NECAB2: variants seen among roughly 807,000 people sequenced by gnomAD.
NECAB2 encodes N-terminal EF-hand calcium-binding protein 2.
NECAB2 carries 68 observed loss-of-function variants against 51.9 expected under a neutral mutation model. That is an observed-to-expected ratio of 1.31 (90% confidence interval 1.08 to 1.60). The LOEUF (loss-of-function observed/expected upper bound fraction) is 1.60. NECAB2 is among the 40% of genes most tolerant of loss of function. The probability of loss-of-function intolerance (pLI) is 0.00; values close to 1 mark genes in which losing one functional copy is unlikely to be tolerated. For missense variants in NECAB2, 854 were observed against 490.3 expected (o/e 1.74, Z -7.00); for synonymous variants, 329 against 203.5 (o/e 1.62, Z -5.25).
intron 5 of NECAB2, among the ~76,000 whole-genome samples, chr16:83,983,068 C>T (rs1031321272): frequency 6.6e-6 from 1 of 151,988 alleles, no homozygotes; most frequent in African/African-American, 2.4e-5. Flanking sequence ...GGGGTTTCAC[C>T]ATGTTGGCCA....
Position 84,002,240 on chromosome 16 carries a change from C to CA in NECAB2, c.1133-77dup, listed in dbSNP as rs561248188. The CA allele has an allele frequency of 5.8e-6, 9 of 1,543,884 alleles. No homozygotes were observed. In the East Asian group the frequency reaches 2.0e-4, roughly 35 times the overall value. On this transcript the variant is annotated intron_variant, in intron 12 of 12. Transcript: ENST00000305202. ...GACTCAAAGCCATCCCCCGACCTGTCATTCAAGACGACCACCACCAGCTAC... is the reference window on the plus strand; with the variant it reads ...GACTCAAAGCCATCCCCCGACCTGTCAATTCAAGACGACCACCACCAGCTAC...
At position 84,002,571 on chromosome 16, in the gene NECAB2, G is replaced by C. The variant is rs952492537; in HGVS notation, c.*225G>C. The C allele has an allele frequency of 3.2e-6, 2 of 615,690 alleles. No homozygotes were observed. The highest frequency in any genetic ancestry group is 5.7e-6 in the Non-Finnish European group (2 of 352,958). The allele number at this position is 615,690 out of a possible 1,614,324, so 38.1% of individuals were successfully genotyped here. A position where few individuals can be genotyped will look rare whatever the true frequency, so the allele number is the denominator to read the frequency against. ...TCCTGGTGAAGCCCAAGGTTGAAGGGGGCGGCTTCCTGGAGCCAGCACCCC... is the reference window on the plus strand; with the variant it reads ...TCCTGGTGAAGCCCAAGGTTGAAGGCGGCGGCTTCCTGGAGCCAGCACCCC... On this transcript the variant is annotated 3_prime_UTR_variant, in exon 13 of 13. Coordinates refer to ENST00000305202, the MANE Select transcript of NECAB2 (RefSeq NM_019065.3).
At chr16:83,990,989 T>C (rs955597037) in intron 6 of NECAB2, among the ~76,000 whole-genome samples, 1 of 152,130 alleles carries the variant, frequency 6.6e-6, no homozygotes, top group East Asian at 1.9e-4. Flanking sequence ...TTTATTTATT[T>C]ATTTTTTTGT....
chr16:83,966,066 G>C, upstream of NECAB2: 1 of 1,329,216 alleles, frequency 7.5e-7, no homozygotes, highest in Non-Finnish European at 1.0e-6. Flanking sequence ...CCACATCCCT[G>C]CTGGATGCAG....
chr16:83,972,970 C>T (rs1466885363), intron 2 of NECAB2, among the ~76,000 whole-genome samples: 1 of 152,246 alleles, frequency 6.6e-6, no homozygotes, highest in Non-Finnish European at 1.5e-5. Flanking sequence ...GACAGATTCC[C>T]TCTCTGGGCC....
At chr16:84,001,650 C>G (rs1040034421) in intron 11 of NECAB2, among the ~76,000 whole-genome samples, 175 bp from the exon 12 acceptor site, 8 of 151,944 alleles carry the variant, frequency 5.3e-5, no homozygotes, top group African/African-American at 1.5e-4. Flanking sequence ...ACTGCCCACC[C>G]CAGAGTCAGC....
Position 83,972,256 on chromosome 16 carries a change from C to T in NECAB2, c.226+81C>T. Reference sequence around the variant, plus strand: ...TGGGGAAGGGATCAGGGATAGGAGACAAGCGCAACCTTGAACCTAAAGGTT... The same window carrying T: ...TGGGGAAGGGATCAGGGATAGGAGATAAGCGCAACCTTGAACCTAAAGGTT... On this transcript the variant is annotated intron_variant, in intron 2 of 12. Coordinates refer to ENST00000305202, the MANE Select transcript of NECAB2 (RefSeq NM_019065.3). The T allele has an allele frequency of 3.1e-6, 5 of 1,595,096 alleles. No homozygotes were observed. In the South Asian group the frequency reaches 5.5e-5, roughly 18 times the overall value.
At chr16:83,984,736 TAAAA>T (rs1270740686) in intron 5 of NECAB2, among the ~76,000 whole-genome samples, 1 of 152,052 alleles carries the variant, frequency 6.6e-6, no homozygotes, top group African/African-American at 2.4e-5. Flanking sequence ...CTCTCAAAAA[TAAAA>T]AAATAAAATG....
chr16:83,997,127 C>G (rs1381714539), intron 8 of NECAB2, 89 bp from the exon 9 acceptor site: 2 of 1,547,774 alleles, frequency 1.3e-6, no homozygotes, highest in African/African-American at 1.4e-5. Context: ...TTGGGAGCTC[C>G]CAACAGCCCC....
intron 3 of NECAB2, among the ~76,000 whole-genome samples, chr16:83,979,340 G>C (rs1264612705): frequency 6.6e-6 from 1 of 152,220 alleles, no homozygotes; most frequent in Admixed American, 6.5e-5. Flanking sequence ...GGTTCTCTGA[G>C]ACTGACTAGA....
At chr16:83,996,086 C>T (rs375929664) in intron 8 of NECAB2, among the ~76,000 whole-genome samples, 69 of 152,230 alleles carry the variant, frequency 4.5e-4, no homozygotes, top group East Asian at 7.7e-4. Flanking sequence ...CTTCAGGCCC[C>T]GCCCTTCACC....
chr16:83,972,586 A>T (rs960892622), intron 2 of NECAB2, among the ~76,000 whole-genome samples: 1 of 152,222 alleles, frequency 6.6e-6, no homozygotes, highest in Admixed American at 6.5e-5. Context: ...GCAGTTCTTC[A>T]TCGTAGCAAC....
upstream of NECAB2, among the ~76,000 whole-genome samples, chr16:83,966,665 G>A (rs2084283953): frequency 6.6e-6 from 1 of 152,162 alleles, no homozygotes; most frequent in Admixed American, 6.5e-5. Context: ...AGTCCCTCCT[G>A]CTGGCCAGGT....
intron 6 of NECAB2, among the ~76,000 whole-genome samples, chr16:83,992,382 C>T (rs1027299429): frequency 7.4e-6 from 1 of 134,306 alleles, no homozygotes; most frequent in Admixed American, 7.1e-5. Context: ...ACCCGTCCCC[C>T]CGCCCACCTC....
chr16:83,989,408 G>A (rs546214760), intron 5 of NECAB2, among the ~76,000 whole-genome samples: 1 of 152,298 alleles, frequency 6.6e-6, no homozygotes, highest in Non-Finnish European at 1.5e-5. Flanking sequence ...TTCTCAGTCT[G>A]TCTGTCAGCC....
chr16:83,972,136 C>G lies in NECAB2; in HGVS notation c.202-15C>G, dbSNP rs1281704238. On this transcript the variant is annotated splice_polypyrimidine_tract_variant and intron_variant, in intron 1 of 12. Coordinates refer to ENST00000305202, the MANE Select transcript of NECAB2 (RefSeq NM_019065.3). ...CTCCCTGGCCCAGGGCTGACTCCGC[C>G]TCTCTTTTCTGCAGATTTTCCGCCG... The G allele has an allele frequency of 1.9e-6, 3 of 1,613,234 alleles. No individual in the cohort carries two copies. Among genetic ancestry groups the G allele is most frequent in the Admixed American group, 3.3e-5 (2 of 60,026 alleles).
chr16:83,997,314 A>G (rs746171758), intron 9 of NECAB2, 45 bp downstream of exon 9: 2 of 1,611,676 alleles, frequency 1.2e-6, no homozygotes, highest in Non-Finnish European at 1.7e-6. Context: ...ATCCCTACCC[A>G]TGCCAGGACT....
intron 8 of NECAB2, among the ~76,000 whole-genome samples, chr16:83,995,457 T>G (rs138286965): frequency 1.3e-5 from 2 of 152,204 alleles, no homozygotes; most frequent in Non-Finnish European, 2.9e-5. Context: ...CAAAATGATG[T>G]CTCCGGTTTA....
intron 3 of NECAB2, 129 bp from the exon 4 acceptor site, chr16:83,980,710 C>G: frequency 2.0e-5 from 25 of 1,274,140 alleles, no homozygotes; most frequent in Non-Finnish European, 2.7e-5. Flanking sequence ...TTCTGTAAGG[C>G]GGAGCTTGTG....
Sources: gnomAD v4.1 joint callset for allele counts (sites outside exome capture counted in the v4.1 genomes callset) on GRCh38, gnomAD v4.1.1 for gene constraint, MANE v1.5 for transcripts, NCBI Gene and HGNC (gene_info 2026-07-23, HGNC 2026-07-21) for gene names.